MYOF: variants seen among roughly 807,000 people sequenced by gnomAD.
The protein encoded by MYOF is myoferlin, also known as fer-1-like 3, myoferlin.
A neutral mutation model predicts 284.2 loss-of-function variants in MYOF; 244 were observed. That is an observed-to-expected ratio of 0.86 (90% CI 0.77 to 0.95). MYOF has a LOEUF of 0.95. MYOF is among the 40% of genes least tolerant of loss of function. The pLI is 0.00. For missense variants in MYOF, 2,496 were observed against 2,560.6 expected, an observed-to-expected ratio of 0.97 and a Z score of 0.54; for synonymous variants, 904 against 919.7, an observed-to-expected ratio of 0.98 and a Z score of 0.31.
At chr10:93,411,391 G>A (rs769370844) in intron 5 of MYOF, among the ~76,000 whole-genome samples, 3 of 152,162 alleles carry the variant, frequency 2.0e-5, no homozygotes, top group Admixed American at 6.6e-5. Flanking sequence ...TTTTGATCAC[G>A]GCACTAATCC....
rs188116971 is a variant in MYOF, at chr10:93,426,860, G to A, written c.346-702C>T. ...AGCTGAGATCGTGCCACTCACTCCC[G>A]CCTAGGCAAAAGAACGAGACTGTCT... On this transcript the variant is annotated intron_variant, in intron 4 of 53. Transcript: ENST00000359263. Among the ~76,000 whole-genome samples, 920 of 148,406 alleles carry A rather than the reference G, an allele frequency of 6.2e-3. 9 individuals are homozygous for A. The highest frequency in any genetic ancestry group is 0.02 in the African/African-American group (794 of 40,580).
chr10:93,311,798 C>G (rs787663), intron 51 of MYOF, among the ~76,000 whole-genome samples: 129,304 of 152,132 alleles, frequency 0.85, 55,036 homozygotes, highest in East Asian at 0.9. Flanking sequence ...CAAGTTGCTC[C>G]ATCTCTCCAA....
chr10:93,480,412 T>C (rs1036236035), intron 1 of MYOF, among the ~76,000 whole-genome samples: 1 of 151,404 alleles, frequency 6.6e-6, no homozygotes, highest in African/African-American at 2.4e-5. Flanking sequence ...AAATTTTTTT[T>C]AAATCCAATT....
intron 7 of MYOF, among the ~76,000 whole-genome samples, chr10:93,408,048 T>C (rs1454625127): frequency 6.6e-6 from 1 of 151,782 alleles, no homozygotes; most frequent in Non-Finnish European, 1.5e-5. Flanking sequence ...ACCAGGTAAT[T>C]TTCCTTTTTT....
At position 93,378,111 on chromosome 10, in the gene MYOF, G is replaced by A. The variant is rs1425902760; in HGVS notation, c.2002-682C>T. ...GGAAAAAGCTGCTTGGAGAAATAGC[G>A]ATTTACGGACTGGGGCAGAGAAAGT... On this transcript the variant is annotated intron_variant, in intron 21 of 53. Transcript: ENST00000359263. 3.3e-5 allele frequency among the ~76,000 whole-genome samples: 5 copies of A among 152,158 alleles called. No individual in the cohort carries two copies. In the South Asian group the frequency reaches 6.2e-4, roughly 19 times the overall value.
chr10:93,448,392 C>T (rs1306348103), intron 3 of MYOF, among the ~76,000 whole-genome samples: 2 of 152,130 alleles, frequency 1.3e-5, no homozygotes, highest in East Asian at 3.8e-4. Context: ...ATTTGCTTTT[C>T]TTCATGGGAT....
At position 93,433,408 on chromosome 10, in the gene MYOF, C is replaced by T. The variant is rs557670277; in HGVS notation, c.237-1892G>A. Among the ~76,000 whole-genome samples the T allele has an allele frequency of 1.1e-4, 17 of 152,342 alleles. No individual in the cohort carries two copies. In the East Asian group the frequency reaches 3.3e-3, roughly 29 times the overall value. The stretch of plus-strand genomic sequence containing the variant: ...TCCCAACCTCAGGTGATCCACCTGC[C>T]TCAGCCTCTCAAAGTGCTGGGATTA... On this transcript the variant is annotated intron_variant, in intron 3 of 53. Coordinates refer to ENST00000359263, the MANE Select transcript of MYOF (RefSeq NM_013451.4).
intron 39 of MYOF, among the ~76,000 whole-genome samples, chr10:93,339,757 C>T (rs1405617600): frequency 3.9e-5 from 6 of 151,910 alleles, no homozygotes; most frequent in Non-Finnish European, 7.4e-5. Flanking sequence ...GCGTGAGCCA[C>T]TGTGCCCGGC....
chr10:93,307,621 TAGAA>T (rs1480896446), intron 53 of MYOF, among the ~76,000 whole-genome samples: 17 of 146,850 alleles, frequency 1.2e-4, no homozygotes, highest in African/African-American at 4.3e-4. Flanking sequence ...TTTAAACCAA[TAGAA>T]TTTTTTTTTT....
At chr10:93,453,745 C>T (rs1447963837) in intron 2 of MYOF, among the ~76,000 whole-genome samples, 3 of 152,066 alleles carry the variant, frequency 2.0e-5, no homozygotes, top group Non-Finnish European at 2.9e-5. Flanking sequence ...ATCAGCAGAG[C>T]GCAGTGGTGT....
rs1844541876 is a variant in MYOF at position 93,351,936 on chromosome 10, A to G, written c.3482-90T>C. ...GTGCAACCATATTCTTTTCCTCTGG[A>G]TATAATGACAGTGGGCTCTGACCAC... On this transcript the variant is annotated intron_variant, in intron 32 of 53. Transcript: ENST00000359263. 3 of 1,232,214 alleles carry G rather than the reference A, an allele frequency of 2.4e-6. No individual in the cohort carries two copies. The South Asian group carries it at 4.6e-5, about 19-fold the overall frequency. The allele number at this position is 1,232,214 out of a possible 1,614,324, so 76.3% of individuals were successfully genotyped here.
intron 37 of MYOF, among the ~76,000 whole-genome samples, chr10:93,347,107 G>T (rs1164842806): frequency 6.6e-6 from 1 of 152,188 alleles, no homozygotes; most frequent in Non-Finnish European, 1.5e-5. Context: ...CGAGATTCCA[G>T]CCCAGCTCTG....
At chr10:93,314,071 T>C (rs1029062832) in intron 50 of MYOF, among the ~76,000 whole-genome samples, 1 of 152,170 alleles carries the variant, frequency 6.6e-6, no homozygotes, top group Non-Finnish European at 1.5e-5. Context: ...GAGAAGCACA[T>C]TGTCCCTTCT....
At chr10:93,341,419 G>C (rs1843903839) in intron 38 of MYOF, among the ~76,000 whole-genome samples, 1 of 152,038 alleles carries the variant, frequency 6.6e-6, no homozygotes, top group African/African-American at 2.4e-5. Flanking sequence ...GGGATTACAG[G>C]CGCCTGCCAC....
chr10:93,402,176 C>T, intron 11 of MYOF, 56 bp downstream of exon 11: 1 of 1,443,780 alleles, frequency 6.9e-7, no homozygotes. Flanking sequence ...ACATGCTTAA[C>T]TCTTGGCCTT....
At chr10:93,357,476 TA>T (rs1844862456) in intron 29 of MYOF, among the ~76,000 whole-genome samples, 1 of 152,210 alleles carries the variant, frequency 6.6e-6, no homozygotes, top group African/African-American at 2.4e-5. Context: ...GGGATCGTGT[TA>T]GGGGCTGAGG....
intron 2 of MYOF, among the ~76,000 whole-genome samples, chr10:93,453,501 G>A (rs112684000): frequency 3.3e-5 from 5 of 152,238 alleles, no homozygotes; most frequent in African/African-American, 1.2e-4. Flanking sequence ...GTTTCACCAT[G>A]TTGGCCAGGC....
intron 6 of MYOF, 76 bp downstream of exon 6, chr10:93,409,497 G>A: frequency 6.5e-7 from 1 of 1,528,184 alleles, no homozygotes; most frequent in South Asian, 1.2e-5. Context: ...TAGGTCCACT[G>A]AAACATCACT....
intron 5 of MYOF, among the ~76,000 whole-genome samples, chr10:93,423,442 G>T (rs1848438250): frequency 7.3e-6 from 1 of 137,764 alleles, no homozygotes; most frequent in Non-Finnish European, 1.5e-5. Context: ...CACGAGAATT[G>T]TTTGAACCTA....
Sources: allele counts gnomAD v4.1 joint callset (sites outside exome capture counted in the v4.1 genomes callset), GRCh38; gene constraint gnomAD v4.1.1; transcripts MANE v1.5; gene names NCBI Gene and HGNC (gene_info 2026-07-23, HGNC 2026-07-21).